Variants in NANP observed in about 807,000 individuals in gnomAD.
The protein encoded by NANP is N-acetylneuraminic acid phosphatase, also known as N-acylneuraminate-9-phosphatase.
Under a neutral mutation model 16.9 loss-of-function variants are expected in NANP, and 15 were observed. That is an observed-to-expected ratio of 0.89 (90% CI 0.59 to 1.37). The LOEUF (loss-of-function observed/expected upper bound fraction) is 1.37. NANP is among the 40% of genes most tolerant of loss of function. The probability of loss-of-function intolerance (pLI) is 0.00; values close to 1 mark genes in which losing one functional copy is unlikely to be tolerated. For synonymous variants in NANP, 135 were observed against 112.6 expected (o/e 1.20, Z -1.26); for missense variants, 290 against 303.5 (o/e 0.96, Z 0.33).
intron 1 of NANP, 123 bp downstream of exon 1, chr20:25,623,736 T>C: frequency 2.1e-6 from 2 of 961,644 alleles, no homozygotes; most frequent in Non-Finnish European, 3.1e-6. Context: ...GCTCCACAGG[T>C]TTCAACCAGC....
chr20:25,621,336 G>A (rs1485356506), intron 1 of NANP, among the ~76,000 whole-genome samples: 1 of 152,102 alleles, frequency 6.6e-6, no homozygotes, highest in Non-Finnish European at 1.5e-5. Context: ...CACAAATGCA[G>A]AAATCTCTTC....
chr20:25,621,966 T>C (rs1228581170), intron 1 of NANP, among the ~76,000 whole-genome samples: 1 of 152,246 alleles, frequency 6.6e-6, no homozygotes, highest in Non-Finnish European at 1.5e-5. Context: ...ATTTGCCATG[T>C]GTCAAACGAG....
intron 1 of NANP, among the ~76,000 whole-genome samples, chr20:25,621,254 C>T (rs1224209167): frequency 6.6e-6 from 1 of 152,104 alleles, no homozygotes; most frequent in African/African-American, 2.4e-5. Flanking sequence ...TGATTTGTTA[C>T]CCTCTCTGCT....
intron 1 of NANP, among the ~76,000 whole-genome samples, chr20:25,621,207 T>C (rs1214892131): frequency 6.6e-6 from 1 of 152,218 alleles, no homozygotes; most frequent in Non-Finnish European, 1.5e-5. Context: ...CATCACCTAC[T>C]CGATGAGGCC....
rs1319805619 is a variant in NANP at position 25,616,166 on chromosome 20, A to G, written c.506T>C (p.Ile169Thr). The change falls in exon 2 of 2, where the codon ATA becomes ACA. Residue 169 changes from isoleucine to threonine, a missense_variant. Physicochemically the swap from Ile to Thr is moderately conservative, Grantham distance 89. Coordinates refer to ENST00000304788, the MANE Select transcript of NANP (RefSeq NM_152667.3). Reference protein sequence around the residue: ...EQREEKPAPSIFYYCCNLLGV... With the variant: ...EQREEKPAPSTFYYCCNLLGV... ...GAGAAGATTGCAGCAGTAATAAAAT[A>G]TGGACGGTGCTGGTTTCTCCTCTCT... The G allele has an allele frequency of 6.2e-7, 1 of 1,614,028 alleles. No individual in the cohort carries two copies. Among genetic ancestry groups the G allele is most frequent in the African/African-American group, 1.3e-5 (1 of 74,918 alleles).
chr20:25,618,812 G>A (rs1416366095), intron 1 of NANP, among the ~76,000 whole-genome samples: 1 of 152,060 alleles, frequency 6.6e-6, no homozygotes, highest in Non-Finnish European at 1.5e-5. Flanking sequence ...TCATTAAGCT[G>A]CTCTAACCCG....
At chr20:25,622,828 G>T (rs2065371093) in intron 1 of NANP, among the ~76,000 whole-genome samples, 1 of 152,220 alleles carries the variant, frequency 6.6e-6, no homozygotes, top group Admixed American at 6.5e-5. Flanking sequence ...GTAGAGACAA[G>T]GAGATAACGG....
intron 1 of NANP, among the ~76,000 whole-genome samples, chr20:25,617,087 GACA>G (rs1462712043): frequency 6.6e-6 from 1 of 152,140 alleles, no homozygotes; most frequent in Non-Finnish European, 1.5e-5. Flanking sequence ...TAAAATTTCT[GACA>G]ACCACTATTT....
chr20:25,620,972 T>C (rs1437685074), intron 1 of NANP, among the ~76,000 whole-genome samples: 1 of 152,100 alleles, frequency 6.6e-6, no homozygotes, highest in Non-Finnish European at 1.5e-5. Context: ...GTATATAAGT[T>C]CCCTCAAAAA....
chr20:25,613,819 CTACCATGA>C lies in NANP; in HGVS notation c.*2098_*2105del. ...CTAGAAGCTATCCTGTTGAGATTTG[CTACCATGA>C]TACAGGAGTGATGAACCTTCACTCT... is the stretch of plus-strand genomic sequence containing the variant. On this transcript the variant is annotated 3_prime_UTR_variant, in exon 2 of 2. Transcript: ENST00000304788. The C allele has an allele frequency of 5.0e-6, 2 of 398,538 alleles. No individual in the cohort carries two copies. The highest frequency in any genetic ancestry group is 8.8e-6 in the Non-Finnish European group (2 of 226,042). 24.7% of individuals were successfully genotyped at this position (398,538 alleles called of 1,614,324 possible). A position where few individuals can be genotyped will look rare whatever the true frequency, so the allele number is the denominator to read the frequency against.
chr20:25,620,881 C>G (rs531263898), intron 1 of NANP, among the ~76,000 whole-genome samples: 1 of 151,586 alleles, frequency 6.6e-6, no homozygotes, highest in Non-Finnish European at 1.5e-5. Flanking sequence ...AGGGAGGGTG[C>G]TAAGTGAAAA....
Position 25,613,782 on chromosome 20 carries a change from T to C in NANP, c.*2143A>G, listed in dbSNP as rs2065331271. On this transcript the variant is annotated 3_prime_UTR_variant, in exon 2 of 2. Transcript: ENST00000304788. ...TACATCATTTCTGCTGGAGAACTGCTCACTTAACATCCTAGAAGCTATCCT... is the reference window on the plus strand; with the variant it reads ...TACATCATTTCTGCTGGAGAACTGCCCACTTAACATCCTAGAAGCTATCCT... 5.0e-6 allele frequency: 2 copies of C among 398,438 alleles called. No individual in the cohort carries two copies. The highest frequency in any genetic ancestry group is 2.1e-5 in the African/African-American group (1 of 48,620). 24.7% of individuals were successfully genotyped at this position (398,438 alleles called of 1,614,324 possible). A position where few individuals can be genotyped will look rare whatever the true frequency, so the allele number is the denominator to read the frequency against.
Position 25,616,387 on chromosome 20 carries a change from T to C in NANP, c.285A>G (p.Glu95=). 1 of 1,613,660 alleles carries C rather than the reference T, an allele frequency of 6.2e-7. No homozygotes were observed. The highest frequency in any genetic ancestry group is 1.7e-5 in the Admixed American group (1 of 59,972). ...GGAANRKLAE[E]CYFLWKSTRL... ...GTGTAGATTTCCAAAGGAAATAACA[T>C]TCTTCAGCCAATTTTCTATTGGCTG... Residue 95 remains glutamate, a synonymous_variant, in exon 2 of 2, where the codon GAA becomes GAG. Coordinates refer to ENST00000304788, the MANE Select transcript of NANP (RefSeq NM_152667.3).
chr20:25,617,214 C>T (rs1242510445), intron 1 of NANP, among the ~76,000 whole-genome samples: 5 of 147,502 alleles, frequency 3.4e-5, no homozygotes, highest in South Asian at 2.1e-4. Context: ...TCCAATTCTA[C>T]ACTTTTATTT....
intron 1 of NANP, 37 bp from the exon 2 acceptor site, chr20:25,616,618 T>C (rs2065345171): frequency 1.4e-6 from 2 of 1,481,354 alleles, no homozygotes; most frequent in Admixed American, 2.0e-5. Flanking sequence ...ACACATTGCA[T>C]GTCTTTAGTA....
At chr20:25,621,471 T>C (rs2065363937) in intron 1 of NANP, among the ~76,000 whole-genome samples, 1 of 152,228 alleles carries the variant, frequency 6.6e-6, no homozygotes. Flanking sequence ...AAAATTAAAG[T>C]TGATACATAC....
chr20:25,615,443 G>A lies in NANP; in HGVS notation c.*482C>T, dbSNP rs1214839929. 4 of 152,510 alleles carry A rather than the reference G, an allele frequency of 2.6e-5. No homozygotes were observed. Among genetic ancestry groups the A allele is most frequent in the African/African-American group, 9.7e-5 (4 of 41,408 alleles). 9.4% of individuals were successfully genotyped at this position (152,510 alleles called of 1,614,324 possible). ...ATTTCACTATATAATACCTTGATTTGCATGTGACTTAGTACTTATTTCATA... is the reference window on the plus strand; with the variant it reads ...ATTTCACTATATAATACCTTGATTTACATGTGACTTAGTACTTATTTCATA... On this transcript the variant is annotated 3_prime_UTR_variant, in exon 2 of 2. Coordinates refer to ENST00000304788, the MANE Select transcript of NANP (RefSeq NM_152667.3).
At chr20:25,623,806 G>C in intron 1 of NANP, 53 bp downstream of exon 1, 1 of 1,514,040 alleles carries the variant, frequency 6.6e-7, no homozygotes, top group Non-Finnish European at 9.1e-7. Context: ...CGTGCAGGAC[G>C]GGGCGGGGCG....
chr20:25,620,390 T>C (rs1171937879), intron 1 of NANP, among the ~76,000 whole-genome samples: 2 of 152,168 alleles, frequency 1.3e-5, no homozygotes, highest in Non-Finnish European at 2.9e-5. Flanking sequence ...GAACTCAAAC[T>C]TCACCCACTT....
Sources: allele counts gnomAD v4.1 joint callset (sites outside exome capture counted in the v4.1 genomes callset), GRCh38; gene constraint gnomAD v4.1.1; transcripts MANE v1.5; gene names NCBI Gene and HGNC (gene_info 2026-07-23, HGNC 2026-07-21).